Variants in RBM10 observed in about 807,000 individuals in gnomAD.
RBM10 encodes RNA binding motif protein 10, also known as RNA-binding protein 10.
Under a neutral mutation model 84.9 loss-of-function variants are expected in RBM10, and 1 was observed. That is an observed-to-expected ratio of 0.01 (90% CI 0.00 to 0.06). The LOEUF (loss-of-function observed/expected upper bound fraction) is 0.06, where lower values mean the gene tolerates loss of function less well. Ranked by LOEUF, RBM10 falls within the 10% of genes least tolerant of loss-of-function variation. RBM10 has a pLI of 1.00. For missense variants in RBM10, 438 were observed against 839.0 expected (o/e 0.52, Z 5.90); for synonymous variants, 326 against 344.5 (o/e 0.95, Z 0.60).
At chrX:47,174,658 G>T (rs1452571974) in intron 5 of RBM10, among the ~76,000 whole-genome samples, 2 of 110,573 alleles carry the variant, frequency 1.8e-5, no homozygotes, top group Non-Finnish European at 3.8e-5. Context: ...TTTGGAGGCA[G>T]ATCTCTCGTA....
chrX:47,180,637 C>A, intron 12 of RBM10, 131 bp downstream of exon 12: 1 of 1,073,553 alleles, frequency 9.3e-7, no homozygotes, highest in Non-Finnish European at 1.2e-6. Flanking sequence ...GCTGGCATGG[C>A]TATTCTACCT....
At chrX:47,171,971 T>C (rs919866546) in intron 4 of RBM10, among the ~76,000 whole-genome samples, 1 of 111,859 alleles carries the variant, frequency 8.9e-6, no homozygotes, top group Non-Finnish European at 1.9e-5. Flanking sequence ...ACAGAGAAAA[T>C]CCCACTTGTG....
At chrX:47,171,475 G>T (rs986470720) in intron 4 of RBM10, among the ~76,000 whole-genome samples, 4 of 112,723 alleles carry the variant, frequency 3.5e-5, no homozygotes, top group African/African-American at 1.3e-4. Context: ...CTTGGCCAAG[G>T]GACATTGGCC....
intron 1 of RBM10, 177 bp downstream of exon 1, chrX:47,145,662 T>TTG: frequency 5.8e-6 from 2 of 345,625 alleles, no homozygotes. Context: ...TTTTTTTTTT[T>TTG]GGTGTGAGCA....
At chrX:47,152,023 C>T (rs1470267873) in intron 2 of RBM10, among the ~76,000 whole-genome samples, 1 of 110,684 alleles carries the variant, frequency 9.0e-6, no homozygotes, top group African/African-American at 3.3e-5. Context: ...ACCAGCCTGG[C>T]CAACATGGTG....
rs782801124 is a variant in RBM10, at chrX:47,182,854, A to G, written c.1950+528A>G. ...TGTGCTGGGGGGAACATGGAAATATAGAATGTGGCATTGTGTCATGCATAT... is the reference window on the plus strand; with the variant it reads ...TGTGCTGGGGGGAACATGGAAATATGGAATGTGGCATTGTGTCATGCATAT... On this transcript the variant is annotated intron_variant, in intron 17 of 23. Coordinates refer to ENST00000377604, the MANE Select transcript of RBM10 (RefSeq NM_005676.5). Among the ~76,000 whole-genome samples, 67 of 112,646 alleles carry G rather than the reference A, an allele frequency of 5.9e-4. 1 individual carries two copies. Among genetic ancestry groups the G allele is most frequent in the Non-Finnish European group, 6.2e-4 (33 of 53,348 alleles).
chrX:47,173,889 A>ATCTC (rs537480494), intron 5 of RBM10, among the ~76,000 whole-genome samples: 1,875 of 38,526 alleles, frequency 0.049, 106 homozygotes, highest in African/African-American at 0.12. Context: ...CCACACCTCC[A>ATCTC]TCTCTCTCTC....
At chrX:47,170,974 G>T (rs1934604672) in intron 3 of RBM10, 54 bp from the exon 4 acceptor site, 1 of 1,150,075 alleles carries the variant, frequency 8.7e-7, no homozygotes. Flanking sequence ...CAGCTCCTAG[G>T]CCTGCCCAGA....
At chrX:47,161,688 G>A (rs1259944127) in intron 2 of RBM10, among the ~76,000 whole-genome samples, 1 of 105,013 alleles carries the variant, frequency 9.5e-6, no homozygotes, top group Non-Finnish European at 2.0e-5. Flanking sequence ...GCACCACCAC[G>A]CCTAACTACT....
chrX:47,157,247 G>T, intron 2 of RBM10: 1 of 301,623 alleles, frequency 3.3e-6, no homozygotes, highest in Non-Finnish European at 6.4e-6. Context: ...AGAATTTCTT[G>T]AGCAAGGGCC....
At chrX:47,159,315 A>G (rs1315855646) in intron 2 of RBM10, among the ~76,000 whole-genome samples, 2 of 109,209 alleles carry the variant, frequency 1.8e-5, no homozygotes, top group Non-Finnish European at 3.8e-5. Flanking sequence ...AGGCTGAGGC[A>G]GGAGAATCTC....
chrX:47,183,538 A>G (rs1327836181), intron 17 of RBM10, among the ~76,000 whole-genome samples: 1 of 108,028 alleles, frequency 9.3e-6, no homozygotes, highest in Non-Finnish European at 1.9e-5. Context: ...TATATATATT[A>G]TATATATATA....
In RBM10 at chrX:47,175,297, C is replaced by G. The variant is rs781827353; in HGVS notation, c.576+205C>G. Reference sequence around the variant, plus strand: ...CTGGGCTTCTCATCCAGAGCCCACACTCACCACTGGCCCCTTCCTACCACC... The same window carrying G: ...CTGGGCTTCTCATCCAGAGCCCACAGTCACCACTGGCCCCTTCCTACCACC... On this transcript the variant is annotated intron_variant, in intron 6 of 23. Transcript: ENST00000377604. Among the ~76,000 whole-genome samples the G allele has an allele frequency of 1.5e-4, 16 of 107,590 alleles. No homozygotes were observed. The East Asian group carries it at 4.5e-3, about 30-fold the overall frequency. 93.4% of individuals were successfully genotyped at this position (107,590 alleles called of 115,157 possible).
chrX:47,167,162 C>T (rs1412162823), intron 2 of RBM10, among the ~76,000 whole-genome samples: 2 of 110,828 alleles, frequency 1.8e-5, no homozygotes, highest in African/African-American at 6.6e-5. Context: ...TGTTTACTTC[C>T]TTTCCCCATA....
At chrX:47,173,026 C>T in intron 4 of RBM10, 102 bp from the exon 5 acceptor site, 1 of 1,191,358 alleles carries the variant, frequency 8.4e-7, no homozygotes, top group Non-Finnish European at 1.1e-6. Flanking sequence ...ACTGTGTGCA[C>T]ATCACCGATG....
chrX:47,150,067 C>T (rs993005365), intron 2 of RBM10, among the ~76,000 whole-genome samples: 2 of 110,993 alleles, frequency 1.8e-5, no homozygotes, highest in South Asian at 7.5e-4. Context: ...GGTGATCCGC[C>T]TGCCTCGGCC....
intron 2 of RBM10, among the ~76,000 whole-genome samples, chrX:47,162,160 C>G (rs113615251): frequency 0.036 from 4,052 of 112,390 alleles, 158 homozygotes; most frequent in African/African-American, 0.12. Context: ...TTTTTTAAAA[C>G]AATGCTACAG....
In RBM10 at chrX:47,176,091, G is replaced by T. The variant is rs921878111; in HGVS notation, c.577-409G>T. Among the ~76,000 whole-genome samples the T allele has an allele frequency of 1.2e-4, 13 of 112,379 alleles. 1 individual carries two copies. Among genetic ancestry groups the T allele is most frequent in the African/African-American group, 3.2e-4 (10 of 30,981 alleles). On this transcript the variant is annotated intron_variant, in intron 6 of 23. Transcript: ENST00000377604. ...CCTTCTCCAGCACTAGCGCACCTGC[G>T]CTCTCTTTCTCTTTTTCTCCCCTCT...
At chrX:47,177,987 C>T (rs1935258248) in intron 7 of RBM10, among the ~76,000 whole-genome samples, 1 of 111,169 alleles carries the variant, frequency 9.0e-6, no homozygotes, top group Admixed American at 9.6e-5. Context: ...CCTGTCACTT[C>T]CATCACAGAA....
Sources: gnomAD v4.1 joint callset for allele counts (sites outside exome capture counted in the v4.1 genomes callset) on GRCh38, gnomAD v4.1.1 for gene constraint, MANE v1.5 for transcripts, NCBI Gene and HGNC (gene_info 2026-07-23, HGNC 2026-07-21) for gene names.